Variants in IQGAP2 observed in about 807,000 individuals in gnomAD.
IQGAP2 encodes the protein IQ motif containing GTPase activating protein 2.
A neutral mutation model predicts 201.3 loss-of-function variants in IQGAP2; 173 were observed. The observed-to-expected ratio is 0.86, with a 90% CI of 0.76 to 0.98. The LOEUF is 0.98. Ranked by LOEUF, IQGAP2 falls within the 50% of genes least tolerant of loss-of-function variation. IQGAP2 has a pLI of 0.00. For missense variants in IQGAP2, 1,687 were observed against 1,864.8 expected (o/e 0.90, Z 1.76); for synonymous variants, 675 against 673.9 (o/e 1.00, Z -0.03).
In IQGAP2 at chr5:76,403,645, G is replaced by A; in HGVS notation, c.46+54G>A. ...GCTGGCCTTGGGGAGCTCCCTCCCC[G>A]AGGACGGCGTTGGAGAAGCCGAGGG... On this transcript the variant is annotated intron_variant, in intron 1 of 35. Transcript: ENST00000274364. This position sits in a 1 kb window ranked among gnomAD's most constrained non-coding sequence, Gnocchi z 4.8. The A allele has an allele frequency of 7.2e-7, 1 of 1,396,178 alleles. No individual in the cohort carries two copies. Among genetic ancestry groups the A allele is most frequent in the Non-Finnish European group, 9.5e-7 (1 of 1,057,810 alleles). 86.5% of individuals were successfully genotyped at this position (1,396,178 alleles called of 1,614,324 possible). A position where few individuals can be genotyped will look rare whatever the true frequency, so the allele number is the denominator to read the frequency against.
intron 10 of IQGAP2, among the ~76,000 whole-genome samples, chr5:76,597,861 T>G (rs1376321088): frequency 2.0e-5 from 3 of 152,244 alleles, no homozygotes; most frequent in Admixed American, 1.3e-4. Context: ...AGGTTGTTCT[T>G]ATTTTCTGTG....
intron 1 of IQGAP2, among the ~76,000 whole-genome samples, chr5:76,447,862 G>T (rs1298253396): frequency 6.6e-6 from 1 of 152,176 alleles, no homozygotes; most frequent in East Asian, 1.9e-4. Flanking sequence ...AATGAAAAAT[G>T]GATGATTTTT....
At chr5:76,618,010 G>A (rs758355350) in intron 13 of IQGAP2, 1 of 1,614,138 alleles carries the variant, frequency 6.2e-7, no homozygotes, top group South Asian at 1.1e-5. Flanking sequence ...TAATATTCCT[G>A]CTTCAGTATG....
intron 18 of IQGAP2, 50 bp downstream of exon 18, chr5:76,652,883 T>G (rs745378089): frequency 2.6e-6 from 3 of 1,167,246 alleles, no homozygotes; most frequent in East Asian, 2.3e-5. Context: ...ACGTTTCCCC[T>G]CATTTCATGT....
At chr5:76,589,784 C>A in intron 7 of IQGAP2, 56 bp downstream of exon 7, 2 of 876,854 alleles carry the variant, frequency 2.3e-6, no homozygotes, top group Non-Finnish European at 3.4e-6. Flanking sequence ...CTGTACTTTA[C>A]CTATTGATTT....
intron 2 of IQGAP2, among the ~76,000 whole-genome samples, chr5:76,532,960 GC>G (rs910058274): frequency 6.6e-6 from 1 of 152,194 alleles, no homozygotes; most frequent in African/African-American, 2.4e-5. Context: ...CTCAAATCAA[GC>G]CCCCAACTGG....
chr5:76,686,487 C>T (rs1297965696), intron 30 of IQGAP2, among the ~76,000 whole-genome samples: 1 of 151,660 alleles, frequency 6.6e-6, no homozygotes, highest in East Asian at 1.9e-4. Flanking sequence ...CAGGTGTCCA[C>T]CTTCATTCTT....
intron 2 of IQGAP2, among the ~76,000 whole-genome samples, chr5:76,514,709 T>G (rs77135009): frequency 0.01 from 1,551 of 152,300 alleles, 35 homozygotes; most frequent in African/African-American, 0.035. Context: ...CTTGTTGACA[T>G]TTGTTCAGAC....
At position 76,589,366 on chromosome 5, in the gene IQGAP2, T is replaced by G. The variant is rs148211116; in HGVS notation, c.527-249T>G. 6.0e-4 allele frequency among the ~76,000 whole-genome samples: 92 copies of G among 152,100 alleles called. 3 individuals are homozygous for G. In the East Asian group the frequency reaches 0.016, roughly 26 times the overall value. On this transcript the variant is annotated intron_variant, in intron 6 of 35. Coordinates refer to ENST00000274364, the MANE Select transcript of IQGAP2 (RefSeq NM_006633.5). ...ACCTTTTTTCCCCATTTTGATATTA[T>G]TGATTTCCCTTATTCCTGTATATTG... is the stretch of plus-strand genomic sequence containing the variant.
chr5:76,607,097 CAT>C (rs1318320693), intron 12 of IQGAP2: 4 of 152,224 alleles, frequency 2.6e-5, no homozygotes, highest in African/African-American at 9.6e-5. Flanking sequence ...TTTTCTAACT[CAT>C]TTGCTCCAAG....
intron 5 of IQGAP2, 38 bp downstream of exon 5, chr5:76,575,807 T>A (rs1399989896): frequency 8.6e-7 from 1 of 1,162,084 alleles, no homozygotes; most frequent in Non-Finnish European, 1.2e-6. Context: ...CTCTAAGAAG[T>A]AGATTTAAAT....
chr5:76,476,652 G>T (rs986715745), intron 2 of IQGAP2, among the ~76,000 whole-genome samples: 1 of 152,052 alleles, frequency 6.6e-6, no homozygotes, highest in Non-Finnish European at 1.5e-5. Flanking sequence ...ATGAGTTCTG[G>T]GGGGGTCAGG....
chr5:76,489,246 A>G (rs967255599), intron 2 of IQGAP2, among the ~76,000 whole-genome samples: 32 of 152,280 alleles, frequency 2.1e-4, no homozygotes, highest in African/African-American at 7.0e-4. Flanking sequence ...GAGTCTGCAC[A>G]CAGTCCTTCC....
chr5:76,702,185 A>G (rs1223299494), intron 34 of IQGAP2, among the ~76,000 whole-genome samples: 1 of 152,222 alleles, frequency 6.6e-6, no homozygotes, highest in Non-Finnish European at 1.5e-5. Context: ...TGTGACTCAC[A>G]TATTTCCAAT....
chr5:76,558,902 T>C (rs1040275099), intron 2 of IQGAP2, among the ~76,000 whole-genome samples: 5 of 140,818 alleles, frequency 3.6e-5, no homozygotes, highest in Non-Finnish European at 7.5e-5. Flanking sequence ...TCTGTTTTTC[T>C]TTTTTTTTTT....
intron 4 of IQGAP2, among the ~76,000 whole-genome samples, chr5:76,575,136 G>A (rs951291989): frequency 4.6e-5 from 7 of 152,154 alleles, no homozygotes; most frequent in Non-Finnish European, 8.8e-5. Context: ...AATCTGGGAG[G>A]TGGGGTCATA....
intron 13 of IQGAP2, among the ~76,000 whole-genome samples, chr5:76,618,815 C>T (rs1440742551): frequency 6.6e-6 from 1 of 152,104 alleles, no homozygotes; most frequent in Non-Finnish European, 1.5e-5. Flanking sequence ...TCATATGCCC[C>T]AGAACAACAC....
chr5:76,482,120 A>C (rs1257784452), intron 2 of IQGAP2, among the ~76,000 whole-genome samples: 1 of 152,204 alleles, frequency 6.6e-6, no homozygotes, highest in Non-Finnish European at 1.5e-5. Flanking sequence ...TTACGCAAAT[A>C]CAAGTAGCGC....
At chr5:76,688,217 T>A (rs1745957533) in intron 30 of IQGAP2, among the ~76,000 whole-genome samples, 2 of 152,214 alleles carry the variant, frequency 1.3e-5, no homozygotes. Flanking sequence ...GCAGAGCAAT[T>A]GGGATGTGAA....
Sources: gnomAD v4.1 joint callset for allele counts (sites outside exome capture counted in the v4.1 genomes callset) on GRCh38, gnomAD v4.1.1 for gene constraint, Gnocchi (gnomAD v3.1) non-coding constraint, MANE v1.5 for transcripts, NCBI Gene and HGNC (gene_info 2026-07-23, HGNC 2026-07-21) for gene names.